The following TNKS variants were observed in gnomAD, a reference collection of about 807,000 sequenced individuals.
The protein encoded by TNKS is tankyrase, also known as poly [ADP-ribose] polymerase tankyrase-1.
TNKS carries 72 observed loss-of-function variants against 135.8 expected under a neutral mutation model. That is an observed-to-expected ratio of 0.53 (90% CI 0.44 to 0.64). The LOEUF is 0.64. TNKS is among the 30% of genes least tolerant of loss of function. TNKS has a pLI of 0.00. For synonymous variants in TNKS, 849 were observed against 649.3 expected, an observed-to-expected ratio of 1.31 and a Z score of -4.68; for missense variants, 1,769 against 1,674.0, an observed-to-expected ratio of 1.06 and a Z score of -0.99.
At chr8:9,654,815 G>A (rs147442196) in intron 3 of TNKS, among the ~76,000 whole-genome samples, 15 of 152,336 alleles carry the variant, frequency 9.8e-5, no homozygotes, top group East Asian at 3.9e-4. Flanking sequence ...AGCTCCCAGC[G>A]TGAGCGACAC....
chr8:9,625,027 G>A (rs927820188), intron 3 of TNKS, among the ~76,000 whole-genome samples: 6 of 152,014 alleles, frequency 3.9e-5, no homozygotes, highest in African/African-American at 1.2e-4. Flanking sequence ...CTCCTTAAAT[G>A]TTTGGTAGAA....
At chr8:9,677,484 A>G (rs906133593) in intron 3 of TNKS, among the ~76,000 whole-genome samples, 28 of 152,246 alleles carry the variant, frequency 1.8e-4, no homozygotes, top group African/African-American at 6.0e-4. Flanking sequence ...ATGTTTCACT[A>G]CGACTTAAAT....
intron 3 of TNKS, among the ~76,000 whole-genome samples, chr8:9,646,298 G>T (rs1302263443): frequency 6.6e-6 from 1 of 151,440 alleles, no homozygotes; most frequent in African/African-American, 2.4e-5. Flanking sequence ...TCTTTCTTTG[G>T]CCTCCAAACG....
intron 5 of TNKS, 191 bp downstream of exon 5, chr8:9,680,991 T>C (rs924612964): frequency 4.6e-6 from 2 of 436,168 alleles, no homozygotes; most frequent in Non-Finnish European, 8.1e-6. Flanking sequence ...AGCATGGATC[T>C]TAAGTAAGCC....
intron 5 of TNKS, among the ~76,000 whole-genome samples, chr8:9,700,641 T>C (rs1019108654): frequency 2.0e-5 from 3 of 151,952 alleles, no homozygotes; most frequent in South Asian, 4.2e-4. Flanking sequence ...CTTCTGTCAT[T>C]GGCATTTCCA....
At chr8:9,754,482 A>G (rs550960559) in intron 20 of TNKS, among the ~76,000 whole-genome samples, 1 of 152,128 alleles carries the variant, frequency 6.6e-6, no homozygotes, top group Admixed American at 6.5e-5. Flanking sequence ...TATATCAATT[A>G]TACTGTTAAG....
intron 3 of TNKS, among the ~76,000 whole-genome samples, chr8:9,661,319 C>T (rs1032275429): frequency 4.3e-4 from 65 of 152,294 alleles, no homozygotes; most frequent in African/African-American, 1.6e-3. Context: ...CATCATGTTA[C>T]CTGACTTCAA....
At chr8:9,746,906 G>A (rs1233281661) in intron 17 of TNKS, among the ~76,000 whole-genome samples, 8 of 106,456 alleles carry the variant, frequency 7.5e-5, no homozygotes, top group East Asian at 2.5e-4. Context: ...TTTTTGAGAC[G>A]GAGCCTTGCT....
intron 3 of TNKS, among the ~76,000 whole-genome samples, chr8:9,639,386 T>C (rs980639316): frequency 3.9e-5 from 6 of 152,136 alleles, no homozygotes; most frequent in Non-Finnish European, 8.8e-5. Context: ...TCTTTTGATT[T>C]TGACCACTCA....
chr8:9,729,771 C>CTTTTTTTTTTTTT (rs763357075), intron 13 of TNKS, among the ~76,000 whole-genome samples: 1 of 95,016 alleles, frequency 1.1e-5, no homozygotes, highest in Non-Finnish European at 1.9e-5. Flanking sequence ...ATATGATATT[C>CTTTTTTTTTTTTT]TTTTTTTTTT....
At chr8:9,773,192 A>G (rs1313410735) in intron 26 of TNKS, among the ~76,000 whole-genome samples, 1 of 152,122 alleles carries the variant, frequency 6.6e-6, no homozygotes, top group South Asian at 2.1e-4. Context: ...GATAGTCACA[A>G]ACACACACTA....
chr8:9,560,473 T>C (rs1022008391), intron 1 of TNKS, among the ~76,000 whole-genome samples: 4 of 150,810 alleles, frequency 2.7e-5, no homozygotes, highest in Non-Finnish European at 4.4e-5. Context: ...CTCTAGATTT[T>C]TCAGCATGGC....
At chr8:9,756,671 T>G (rs1806848211) in intron 20 of TNKS, among the ~76,000 whole-genome samples, 1 of 152,220 alleles carries the variant, frequency 6.6e-6, no homozygotes, top group South Asian at 2.1e-4. Context: ...TATTTCTATT[T>G]CTTTTGTTGA....
rs903652268 is a variant in TNKS at position 9,781,023 on chromosome 8, T to C, written c.*4287T>C. 6.6e-6 allele frequency: 1 copy of C among 152,186 alleles called. No homozygotes were observed. 9.4% of individuals were successfully genotyped at this position (152,186 alleles called of 1,614,324 possible). A position where few individuals can be genotyped will look rare whatever the true frequency, so the allele number is the denominator to read the frequency against. On this transcript the variant is annotated 3_prime_UTR_variant, in exon 27 of 27. Transcript: ENST00000310430. ...TTTTTAATTGTTTTAAAATGTAAAT[T>C]ATGGTTATGCTAAAGTGAAAACCTA...
rs147458346 is a variant in TNKS at position 9,619,522 on chromosome 8, T to C, written c.994+3845T>C. On this transcript the variant is annotated intron_variant, in intron 3 of 26. Transcript: ENST00000310430. ...GATGGTCACAGCATTGCTAAGATGGTTGATCCTAGTGTTTTCCTAGTGTAT... is the reference window on the plus strand; with the variant it reads ...GATGGTCACAGCATTGCTAAGATGGCTGATCCTAGTGTTTTCCTAGTGTAT... Among the ~76,000 whole-genome samples, 46 of 152,308 alleles carry C rather than the reference T, an allele frequency of 3.0e-4. No individual in the cohort carries two copies. The East Asian group carries it at 8.7e-3, about 29-fold the overall frequency.
chr8:9,724,937 C>T (rs1270122710), intron 12 of TNKS, among the ~76,000 whole-genome samples: 1 of 150,530 alleles, frequency 6.6e-6, no homozygotes, highest in African/African-American at 2.4e-5. Flanking sequence ...AAAGTGCTGT[C>T]ATCGAAAAAT....
intron 3 of TNKS, among the ~76,000 whole-genome samples, chr8:9,657,677 C>T (rs79750544): frequency 0.076 from 5,873 of 77,582 alleles, 244 homozygotes; most frequent in Admixed American, 0.17. Context: ...CCCTCCCGGA[C>T]GGGGTGGCTG....
rs1414915486 is a variant in TNKS at position 9,556,821 on chromosome 8, T to C, written c.673+209T>C. 1.2e-5 allele frequency: 7 copies of C among 589,126 alleles called. No homozygotes were observed. In the East Asian group the frequency reaches 2.1e-4, roughly 18 times the overall value. The allele number at this position is 589,126 out of a possible 1,614,324, so 36.5% of individuals were successfully genotyped here. ...GGGGATAAGTGAATCCAAGGAATTC[T>C]TCAGTGGTTGCACAGTACTCATTAC... is the stretch of plus-strand genomic sequence containing the variant. On this transcript the variant is annotated intron_variant, in intron 1 of 26. Coordinates refer to ENST00000310430, the MANE Select transcript of TNKS (RefSeq NM_003747.3).
chr8:9,616,589 C>G (rs1799653897), intron 3 of TNKS, among the ~76,000 whole-genome samples: 1 of 152,100 alleles, frequency 6.6e-6, no homozygotes, highest in African/African-American at 2.4e-5. Flanking sequence ...GAAAATTTAG[C>G]AAAAATACTG....
Sources: allele counts gnomAD v4.1 joint callset (sites outside exome capture counted in the v4.1 genomes callset), GRCh38; gene constraint gnomAD v4.1.1; transcripts MANE v1.5; gene names NCBI Gene and HGNC (gene_info 2026-07-23, HGNC 2026-07-21).